UGGT2: variants seen among roughly 807,000 people sequenced by gnomAD.
UGGT2 encodes UDP-glucose:glycoprotein glucosyltransferase 2.
A neutral mutation model predicts 192.1 loss-of-function variants in UGGT2; 180 were observed. The ratio of observed to expected loss-of-function variants is 0.94; its 90% CI spans 0.83 to 1.06. UGGT2 has a LOEUF of 1.06. Among genes scored for constraint, UGGT2 ranks in the 50% least tolerant of loss-of-function variants. The pLI, the probability that UGGT2 is intolerant of heterozygous loss-of-function variation, is 0.00. For missense variants in UGGT2, 1,849 were observed against 1,795.7 expected, an observed-to-expected ratio of 1.03 and a Z score of -0.54; for synonymous variants, 580 against 591.0, an observed-to-expected ratio of 0.98 and a Z score of 0.27.
At chr13:95,862,226 C>T (rs1019024093) in intron 31 of UGGT2, among the ~76,000 whole-genome samples, 1 of 152,110 alleles carries the variant, frequency 6.6e-6, no homozygotes, top group African/African-American at 2.4e-5. Flanking sequence ...GAAAAAGAGG[C>T]TTAAACTGGG....
chr13:95,982,256 T>C (rs2051150441), intron 10 of UGGT2, among the ~76,000 whole-genome samples: 1 of 152,168 alleles, frequency 6.6e-6, no homozygotes, highest in Non-Finnish European at 1.5e-5. Flanking sequence ...CCCCAAATCA[T>C]TTTATTTTCT....
At position 96,031,952 on chromosome 13, in the gene UGGT2, T is replaced by G. The variant is rs1566844047; in HGVS notation, c.178A>C (p.Ser60Arg). ...AAAAACTGCCAAAATTTTTCATTAC[T>G]TTCTTCTGCCATAAATTCACTATTA... ...LEASEFMAEE[S>R]NEKFWQFLET... Residue 60 changes from serine to arginine, a missense_variant, in exon 2 of 39, where the codon AGT (serine) becomes CGT (arginine). By Grantham distance (110) the Ser-to-Arg change is moderately radical. Coordinates refer to ENST00000376747, the MANE Select transcript of UGGT2 (RefSeq NM_020121.4). The G allele has an allele frequency of 1.2e-6, 2 of 1,610,974 alleles. No homozygotes were observed. The highest frequency in any genetic ancestry group is 2.2e-5 in the South Asian group (2 of 90,378).
Position 95,894,620 on chromosome 13 carries a change from A to T in UGGT2, c.2797T>A (p.Ser933Thr), listed in dbSNP as rs1303254924. Reference protein sequence around the residue: ...DFIMKVDALMSSVPKRASRYD... With the variant: ...DFIMKVDALMTSVPKRASRYD... Reference sequence around the variant, plus strand: ...CGAGATGCACGCTTAGGCACAGAGGACATAAGGGCATCAACTTTCATAATA... The same window carrying T: ...CGAGATGCACGCTTAGGCACAGAGGTCATAAGGGCATCAACTTTCATAATA... The change falls in exon 24 of 39, where the codon TCC becomes ACC. Residue 933 changes from serine to threonine, a missense_variant. Transcript: ENST00000376747. The T allele has an allele frequency of 1.2e-5, 19 of 1,612,120 alleles. No individual in the cohort carries two copies. The highest frequency in any genetic ancestry group is 1.6e-5 in the Non-Finnish European group (19 of 1,179,006).
chr13:95,877,130 C>T (rs1007534089), intron 29 of UGGT2, 149 bp downstream of exon 29: 17 of 537,056 alleles, frequency 3.2e-5, no homozygotes, highest in Non-Finnish European at 4.7e-5. Flanking sequence ...GATCTGCCTG[C>T]CTCGGCCTAC....
chr13:95,886,668 GA>G (rs2047655084), intron 26 of UGGT2, among the ~76,000 whole-genome samples: 1 of 152,160 alleles, frequency 6.6e-6, no homozygotes. Flanking sequence ...GAGGGACAAT[GA>G]ATAAGTCCTA....
intron 38 of UGGT2, among the ~76,000 whole-genome samples, chr13:95,819,508 A>G (rs1313824510): frequency 1.3e-4 from 9 of 68,952 alleles, no homozygotes; most frequent in Non-Finnish European, 2.2e-4. Context: ...ACATGTATAC[A>G]TATGTATGTA....
Position 95,948,001 on chromosome 13 carries a change from A to G in UGGT2, c.1536T>C (p.Pro512=). 6.2e-7 allele frequency: 1 copy of G among 1,611,610 alleles called. No individual in the cohort carries two copies. Among genetic ancestry groups the G allele is most frequent in the Non-Finnish European group, 8.5e-7 (1 of 1,178,312 alleles). The change falls in exon 14 of 39, where the codon CCT becomes CCC. Residue 512 remains proline, a synonymous_variant. Coordinates refer to ENST00000376747, the MANE Select transcript of UGGT2 (RefSeq NM_020121.4). Reference sequence around the variant, plus strand: ...TGCTATAAAATGACAATTACCTAAGAGGAACTTCGTGAGAATAGAAAACAT... The same window carrying G: ...TGCTATAAAATGACAATTACCTAAGGGGAACTTCGTGAGAATAGAAAACAT... The part of the protein sequence containing the change: ...LADVFYSHEV[P]LRIGFVFILN...
chr13:95,968,230 C>T (rs1334531429), intron 12 of UGGT2, among the ~76,000 whole-genome samples: 1 of 151,842 alleles, frequency 6.6e-6, no homozygotes, highest in Non-Finnish European at 1.5e-5. Flanking sequence ...ACCACTAAAA[C>T]CAGGGACATA....
intron 19 of UGGT2, 59 bp from the exon 20 acceptor site, chr13:95,925,833 CA>C: frequency 8.2e-7 from 1 of 1,216,666 alleles, no homozygotes; most frequent in Admixed American, 2.4e-5. Flanking sequence ...AAAACAAAAG[CA>C]GGGGAACATG....
chr13:95,847,547 T>C (rs1888594275), intron 36 of UGGT2, among the ~76,000 whole-genome samples: 1 of 152,220 alleles, frequency 6.6e-6, no homozygotes, highest in Admixed American at 6.5e-5. Flanking sequence ...ATAGTTAGAA[T>C]AATACAGTAT....
At chr13:95,940,948 C>G (rs1428966474) in intron 15 of UGGT2, among the ~76,000 whole-genome samples, 2 of 152,154 alleles carry the variant, frequency 1.3e-5, no homozygotes, top group Non-Finnish European at 2.9e-5. Context: ...TCCCCAGTCT[C>G]AAATATTCTA....
At chr13:95,935,379 T>C (rs987163392) in intron 17 of UGGT2, among the ~76,000 whole-genome samples, 1 of 152,228 alleles carries the variant, frequency 6.6e-6, no homozygotes, top group African/African-American at 2.4e-5. Flanking sequence ...TGAATTCCTT[T>C]AGTGCTTGCT....
At chr13:95,837,056 T>C (rs886206088) in intron 37 of UGGT2, 30 bp downstream of exon 37, 1 of 1,456,792 alleles carries the variant, frequency 6.9e-7, no homozygotes, top group Non-Finnish European at 9.6e-7. Flanking sequence ...CTGTATCTGC[T>C]TACATACAAA....
chr13:96,046,425 G>A (rs189501714), intron 1 of UGGT2, among the ~76,000 whole-genome samples: 1 of 152,292 alleles, frequency 6.6e-6, no homozygotes, highest in East Asian at 1.9e-4. Context: ...ATTGGCTTAG[G>A]CAAGGATTTC....
At chr13:95,866,663 T>G (rs1890686842) in intron 30 of UGGT2, among the ~76,000 whole-genome samples, 2 of 152,252 alleles carry the variant, frequency 1.3e-5, no homozygotes, top group Non-Finnish European at 2.9e-5. Context: ...ATAGATTATT[T>G]TATGTGGGTC....
chr13:96,043,914 T>G (rs2053234171), intron 1 of UGGT2, among the ~76,000 whole-genome samples: 1 of 152,140 alleles, frequency 6.6e-6, no homozygotes, highest in African/African-American at 2.4e-5. Flanking sequence ...AAAATAATAG[T>G]TGGAGACTTC....
chr13:95,867,877 C>T (rs1890820518), intron 29 of UGGT2, among the ~76,000 whole-genome samples: 1 of 152,128 alleles, frequency 6.6e-6, no homozygotes, highest in Non-Finnish European at 1.5e-5. Flanking sequence ...ATTTGAAGTA[C>T]ATTGTTAAAA....
At chr13:95,843,027 C>T (rs1388299466) in intron 36 of UGGT2, among the ~76,000 whole-genome samples, 1 of 152,176 alleles carries the variant, frequency 6.6e-6, no homozygotes, top group Non-Finnish European at 1.5e-5. Context: ...GTAACAAATA[C>T]AGGGGGGTTG....
At chr13:95,847,932 C>T (rs1266170725) in intron 36 of UGGT2, among the ~76,000 whole-genome samples, 1 of 152,222 alleles carries the variant, frequency 6.6e-6, no homozygotes, top group Non-Finnish European at 1.5e-5. Context: ...GCAATGAACG[C>T]AAGTTCCTCT....
Sources: gnomAD v4.1 joint callset for allele counts (sites outside exome capture counted in the v4.1 genomes callset) on GRCh38, gnomAD v4.1.1 for gene constraint, MANE v1.5 for transcripts, NCBI Gene and HGNC (gene_info 2026-07-23, HGNC 2026-07-21) for gene names.